CDKN2B-AS1: variants seen among roughly 807,000 people sequenced by gnomAD.
CDKN2B-AS1 encodes CDKN2B antisense RNA 1 (non-protein coding).
exon 5 of CDKN2B-AS1, among the ~76,000 whole-genome samples, chr9:22,128,099 T>C (rs1254702241): frequency 6.6e-6 from 1 of 152,236 alleles, no homozygotes; most frequent in African/African-American, 2.4e-5. Context: ...ATGCATTATA[T>C]TGGATCAATA....
chr9:22,124,616 A>AT (rs1197669701), intron 4 of CDKN2B-AS1, among the ~76,000 whole-genome samples: 1 of 152,122 alleles, frequency 6.6e-6, no homozygotes, highest in Non-Finnish European at 1.5e-5. Flanking sequence ...CTTAACCTCT[A>AT]TTTTTTAAAA....
At chr9:22,018,609 G>C (rs1821883911) in intron 1 of CDKN2B-AS1, among the ~76,000 whole-genome samples, 1 of 152,094 alleles carries the variant, frequency 6.6e-6, no homozygotes, top group African/African-American at 2.4e-5. Context: ...TGTGCACTCG[G>C]GCCACTGCCG....
intron 4 of CDKN2B-AS1, among the ~76,000 whole-genome samples, chr9:22,068,248 G>A (rs1430146347): frequency 3.9e-5 from 6 of 152,114 alleles, no homozygotes; most frequent in African/African-American, 1.4e-4. Context: ...GAACAAGACA[G>A]AAAAGTTGCT....
At chr9:22,097,694 G>C (rs6475607) in intron 4 of CDKN2B-AS1, among the ~76,000 whole-genome samples, 2 of 152,060 alleles carry the variant, frequency 1.3e-5, no homozygotes, top group African/African-American at 4.8e-5. Flanking sequence ...GTGAAGGCTC[G>C]CTGGAAAACA....
intron 4 of CDKN2B-AS1, among the ~76,000 whole-genome samples, chr9:22,061,478 G>T (rs1823816521): frequency 6.6e-6 from 1 of 152,060 alleles, no homozygotes; most frequent in Non-Finnish European, 1.5e-5. Context: ...TATATATTGG[G>T]CCTATTAGCT....
At chr9:22,012,526 G>T (rs1430310935) in intron 1 of CDKN2B-AS1, 7 of 631,926 alleles carry the variant, frequency 1.1e-5, no homozygotes, top group South Asian at 8.4e-5. Context: ...TGCACCCCAA[G>T]AAGGTCAAAT....
chr9:22,068,380 C>A (rs184250883), intron 4 of CDKN2B-AS1, among the ~76,000 whole-genome samples: 1 of 152,066 alleles, frequency 6.6e-6, no homozygotes, highest in East Asian at 1.9e-4. Flanking sequence ...TCTAGGAGAT[C>A]GTGGGAAATA....
At chr9:22,126,994 C>G (rs559804877) in intron 4 of CDKN2B-AS1, among the ~76,000 whole-genome samples, 1 of 152,312 alleles carries the variant, frequency 6.6e-6, no homozygotes, top group South Asian at 2.1e-4. Context: ...TGTTTGATCT[C>G]TTTTACCTAA....
chr9:22,125,784 A>C (rs1818010331), intron 4 of CDKN2B-AS1, among the ~76,000 whole-genome samples: 1 of 152,226 alleles, frequency 6.6e-6, no homozygotes, highest in Non-Finnish European at 1.5e-5. Context: ...AAACAAACCA[A>C]ATGTTCATCA....
chr9:22,065,829 T>C (rs1035248315), intron 4 of CDKN2B-AS1: 1 of 152,212 alleles, frequency 6.6e-6, no homozygotes, highest in Non-Finnish European at 1.5e-5. Flanking sequence ...AAATCTATGC[T>C]ATATGTTCTT....
At chr9:22,030,794 C>A (rs1189334953) in intron 1 of CDKN2B-AS1, 1 of 151,832 alleles carries the variant, frequency 6.6e-6, no homozygotes, top group African/African-American at 2.4e-5. Flanking sequence ...ACAGTGATCC[C>A]CTAATAAATG....
intron 4 of CDKN2B-AS1, among the ~76,000 whole-genome samples, chr9:22,067,872 G>A (rs1452288969): frequency 6.6e-6 from 1 of 152,152 alleles, no homozygotes; most frequent in Non-Finnish European, 1.5e-5. Flanking sequence ...CAATGAAATT[G>A]TAAAAGCTTT....
At chr9:22,020,669 G>T (rs1821978655) in intron 1 of CDKN2B-AS1, among the ~76,000 whole-genome samples, 1 of 152,108 alleles carries the variant, frequency 6.6e-6, no homozygotes, top group South Asian at 2.1e-4. Flanking sequence ...TTAGCCACAT[G>T]TATGTCTTCT....
chr9:22,089,508 C>A (rs992054663), intron 4 of CDKN2B-AS1, among the ~76,000 whole-genome samples: 12 of 152,140 alleles, frequency 7.9e-5, no homozygotes, highest in African/African-American at 2.9e-4. Context: ...CAGCTCACTG[C>A]AGCCTTGATC....
chr9:22,089,703 G>A (rs1020983026), intron 4 of CDKN2B-AS1, among the ~76,000 whole-genome samples: 2 of 151,950 alleles, frequency 1.3e-5, no homozygotes, highest in Non-Finnish European at 2.9e-5. Context: ...TCCTACCTCA[G>A]CCTCCCAAAG....
Position 22,005,314 on chromosome 9 carries a change from C to T in CDKN2B-AS1, n.29+10153C>T. On this transcript the variant is annotated intron_variant and non_coding_transcript_variant, in intron 1 of 4. Transcript: ENST00000650946. This position sits in a 1 kb window ranked among gnomAD's most constrained non-coding sequence, Gnocchi z 4.9. ...CGTCGTGATCCAGGGATTTTAGCATCTGTCGTCGCTTGCACATCCTCTCTT... is the reference window on the plus strand; with the variant it reads ...CGTCGTGATCCAGGGATTTTAGCATTTGTCGTCGCTTGCACATCCTCTCTT... 4.2e-6 allele frequency: 1 copy of T among 237,910 alleles called. No individual in the cohort carries two copies. The allele number at this position is 237,910 out of a possible 1,614,324, so 14.7% of individuals were successfully genotyped here.
Position 22,006,289 on chromosome 9 carries a change from G to C in CDKN2B-AS1, n.29+11128G>C. On this transcript the variant is annotated intron_variant and non_coding_transcript_variant, in intron 1 of 4. Transcript: ENST00000650946. This position sits in a 1 kb window ranked among gnomAD's most constrained non-coding sequence, Gnocchi z 6.4. ...AGTGGTCAGAGCCAGGGTGGGGGCA[G>C]GTATGGGAGATGCCGGCCGGGGCAA... 1 of 1,599,326 alleles carries C rather than the reference G, an allele frequency of 6.3e-7. No homozygotes were observed. Among genetic ancestry groups the C allele is most frequent in the South Asian group, 1.1e-5 (1 of 90,980 alleles).
At chr9:22,012,831 A>G (rs971823136) in intron 1 of CDKN2B-AS1, among the ~76,000 whole-genome samples, 1 of 151,906 alleles carries the variant, frequency 6.6e-6, no homozygotes, top group Non-Finnish European at 1.5e-5. Context: ...TCTCCATTTT[A>G]TGAGTTGGGT....
At chr9:22,064,220 A>G (rs546796711) in intron 4 of CDKN2B-AS1, among the ~76,000 whole-genome samples, 7 of 152,130 alleles carry the variant, frequency 4.6e-5, no homozygotes, top group Non-Finnish European at 1.0e-4. Flanking sequence ...ATCAGGAGGT[A>G]TTTCTAATGA....
Sources: gnomAD v4.1 joint callset for allele counts (sites outside exome capture counted in the v4.1 genomes callset) on GRCh38, gnomAD v4.1.1 for gene constraint, Gnocchi (gnomAD v3.1) non-coding constraint, MANE v1.5 for transcripts, NCBI Gene and HGNC (gene_info 2026-07-23, HGNC 2026-07-21) for gene names.